WDR25: variants seen among roughly 807,000 people sequenced by gnomAD.
The protein encoded by WDR25 is WD repeat-containing protein 25.
In WDR25, 35 loss-of-function variants were observed where a neutral mutation model predicts 47.7. The ratio of observed to expected loss-of-function variants is 0.73; its 90% CI spans 0.56 to 0.97. The LOEUF is 0.97. Ranked by LOEUF, WDR25 falls within the 50% of genes least tolerant of loss-of-function variation. The pLI is 0.00. For missense variants in WDR25, 634 were observed against 704.7 expected, an observed-to-expected ratio of 0.90 and a Z score of 1.14; for synonymous variants, 248 against 278.9, an observed-to-expected ratio of 0.89 and a Z score of 1.10.
intron 2 of WDR25, among the ~76,000 whole-genome samples, chr14:100,457,081 C>G (rs1200426713): frequency 1.9e-4 from 29 of 152,072 alleles, no homozygotes; most frequent in Admixed American, 1.9e-3. Flanking sequence ...CCTAAGCCCC[C>G]AGGTAGCTGG....
intron 2 of WDR25, among the ~76,000 whole-genome samples, chr14:100,457,807 T>C (rs1309700957): frequency 1.3e-5 from 2 of 152,120 alleles, no homozygotes; most frequent in Non-Finnish European, 2.9e-5. Flanking sequence ...ATGGAGGAGA[T>C]TGTGTATATT....
chr14:100,454,341 G>GGAAATGGA, intron 2 of WDR25: 1 of 1,280,382 alleles, frequency 7.8e-7, no homozygotes, highest in East Asian at 5.6e-5. Context: ...GAGGTAATGG[G>GGAAATGGA]GTAATGGAGT....
At chr14:100,450,015 C>G (rs547632983) in intron 2 of WDR25, among the ~76,000 whole-genome samples, 52 of 152,364 alleles carry the variant, frequency 3.4e-4, no homozygotes, top group African/African-American at 1.2e-3. Context: ...CCTGCTCTCT[C>G]CCCTCTGCGC....
chr14:100,415,161 A>G (rs955880459), intron 2 of WDR25, among the ~76,000 whole-genome samples: 6 of 152,160 alleles, frequency 3.9e-5, no homozygotes, highest in African/African-American at 1.4e-4. Context: ...GGCTTAAGCT[A>G]CTAAGGATGA....
At chr14:100,382,138 G>A (rs1566881548) in intron 2 of WDR25, 2 of 703,006 alleles carry the variant, frequency 2.8e-6, no homozygotes, top group South Asian at 3.0e-5. Context: ...TGGTTTCAAG[G>A]GCTGTTGGGA....
intron 4 of WDR25, among the ~76,000 whole-genome samples, chr14:100,518,393 C>A (rs1901580382): frequency 6.6e-6 from 1 of 151,506 alleles, no homozygotes; most frequent in Non-Finnish European, 1.5e-5. Context: ...TTCCTGGGCA[C>A]TGTCAAGGTT....
At chr14:100,383,166 G>A (rs1225188076) in intron 2 of WDR25, among the ~76,000 whole-genome samples, 4 of 152,194 alleles carry the variant, frequency 2.6e-5, no homozygotes, top group Non-Finnish European at 5.9e-5. Flanking sequence ...GCTTGTCTGT[G>A]CTCTTTTCTA....
At chr14:100,519,780 A>G (rs963212161) in intron 4 of WDR25, among the ~76,000 whole-genome samples, 3 of 140,622 alleles carry the variant, frequency 2.1e-5, no homozygotes, top group African/African-American at 7.9e-5. Context: ...TATATATAGT[A>G]TATATACTAT....
At chr14:100,450,777 AG>A (rs1212783847) in intron 2 of WDR25, among the ~76,000 whole-genome samples, 1 of 152,188 alleles carries the variant, frequency 6.6e-6, no homozygotes, top group African/African-American at 2.4e-5. Flanking sequence ...AGTATGTCTT[AG>A]GATAAGAGAG....
intron 3 of WDR25, among the ~76,000 whole-genome samples, chr14:100,469,561 G>A (rs545484788): frequency 6.6e-5 from 10 of 152,260 alleles, no homozygotes; most frequent in South Asian, 2.1e-4. Context: ...CCTTCCCACC[G>A]TGCCGTGTGT....
intron 2 of WDR25, 164 bp downstream of exon 2, chr14:100,381,910 G>A (rs1262451349): frequency 3.0e-6 from 2 of 662,948 alleles, no homozygotes; most frequent in Non-Finnish European, 5.1e-6. Context: ...TCAGCTCCGG[G>A]TTGTGGGTTC....
chr14:100,410,604 A>G (rs1394301047), intron 2 of WDR25, among the ~76,000 whole-genome samples: 1 of 152,128 alleles, frequency 6.6e-6, no homozygotes, highest in Non-Finnish European at 1.5e-5. Context: ...CCGTCCTTGC[A>G]CGGAGGACAG....
At chr14:100,422,032 T>G (rs1266798073) in intron 2 of WDR25, among the ~76,000 whole-genome samples, 1 of 152,260 alleles carries the variant, frequency 6.6e-6, no homozygotes, top group Non-Finnish European at 1.5e-5. Context: ...TTCCAGTTTT[T>G]TATTGCTGTT....
chr14:100,490,657 A>T (rs1247739845), intron 4 of WDR25, among the ~76,000 whole-genome samples: 1 of 152,172 alleles, frequency 6.6e-6, no homozygotes. Flanking sequence ...TTTGGGGGCC[A>T]TGGTATGGGT....
intron 2 of WDR25, among the ~76,000 whole-genome samples, chr14:100,396,738 A>C (rs994380407): frequency 1.3e-5 from 2 of 152,224 alleles, no homozygotes; most frequent in African/African-American, 4.8e-5. Context: ...CAAGCTAAGG[A>C]GAGGTCACAT....
At chr14:100,495,377 A>C (rs1234133727) in intron 4 of WDR25, among the ~76,000 whole-genome samples, 1 of 152,194 alleles carries the variant, frequency 6.6e-6, no homozygotes, top group Non-Finnish European at 1.5e-5. Flanking sequence ...AACAAACAAA[A>C]AAACCAAAAA....
chr14:100,445,793 G>A (rs1031159713), intron 2 of WDR25, among the ~76,000 whole-genome samples: 4 of 152,236 alleles, frequency 2.6e-5, no homozygotes, highest in Non-Finnish European at 4.4e-5. Flanking sequence ...ATAAGGACCA[G>A]GCTAGAAAGA....
chr14:100,528,419 C>CTTTG (rs1259667098), intron 5 of WDR25, among the ~76,000 whole-genome samples: 10 of 146,282 alleles, frequency 6.8e-5, no homozygotes, highest in African/African-American at 2.4e-4. Flanking sequence ...TGCGCCTTCC[C>CTTTG]TTTGTTTCTT....
chr14:100,413,035 G>A (rs1267097054), intron 2 of WDR25, among the ~76,000 whole-genome samples: 3 of 152,110 alleles, frequency 2.0e-5, no homozygotes, highest in African/African-American at 7.2e-5. Flanking sequence ...TCACCATTTT[G>A]GCCAGGCTGG....
Sources: allele counts gnomAD v4.1 joint callset (sites outside exome capture counted in the v4.1 genomes callset), GRCh38; gene constraint gnomAD v4.1.1; transcripts MANE v1.5; gene names NCBI Gene and HGNC (gene_info 2026-07-23, HGNC 2026-07-21).